Variants in COL25A1 observed in about 807,000 individuals in gnomAD.
The protein encoded by COL25A1 is collagen type XXV alpha 1 chain, also known as collagen alpha-1(XXV) chain.
In COL25A1, 103 loss-of-function variants were observed where a neutral mutation model predicts 128.4. The ratio of observed to expected loss-of-function variants is 0.80; its 90% CI spans 0.68 to 0.94. COL25A1 has a LOEUF of 0.94. Ranked by LOEUF, COL25A1 falls within the 40% of genes least tolerant of loss-of-function variation. The probability of loss-of-function intolerance (pLI) is 0.00; values close to 1 mark genes in which losing one functional copy is unlikely to be tolerated. For missense variants in COL25A1, 745 were observed against 840.0 expected, an observed-to-expected ratio of 0.89 and a Z score of 1.40; for synonymous variants, 279 against 277.2, an observed-to-expected ratio of 1.01 and a Z score of -0.06.
At chr4:109,106,974 G>A (rs576244251) in intron 3 of COL25A1, among the ~76,000 whole-genome samples, 16 of 152,076 alleles carry the variant, frequency 1.1e-4, no homozygotes, top group Non-Finnish European at 2.1e-4. Context: ...TCACTATGTT[G>A]CCTAAGCTAG....
At chr4:109,119,647 C>T (rs1767936897) in intron 3 of COL25A1, among the ~76,000 whole-genome samples, 1 of 152,010 alleles carries the variant, frequency 6.6e-6, no homozygotes, top group African/African-American at 2.4e-5. Flanking sequence ...GAATAATTAA[C>T]ACTCTTCCAA....
At chr4:109,288,439 C>T (rs1283678986) in intron 3 of COL25A1, among the ~76,000 whole-genome samples, 1 of 152,080 alleles carries the variant, frequency 6.6e-6, no homozygotes, top group African/African-American at 2.4e-5. Context: ...TGGTTCCCTG[C>T]AAAATCCATT....
chr4:109,059,475 C>T (rs1761746610), intron 3 of COL25A1, among the ~76,000 whole-genome samples: 1 of 152,186 alleles, frequency 6.6e-6, no homozygotes, highest in African/African-American at 2.4e-5. Context: ...AAAACATGTT[C>T]ATGAGTATTT....
intron 3 of COL25A1, among the ~76,000 whole-genome samples, chr4:109,236,708 C>T (rs1198683923): frequency 1.3e-5 from 2 of 152,070 alleles, no homozygotes; most frequent in South Asian, 2.1e-4. Context: ...TGTTGTTCTG[C>T]ACACTTTAAA....
At chr4:108,966,833 A>G (rs2125979766) in intron 8 of COL25A1, among the ~76,000 whole-genome samples, 1 of 151,866 alleles carries the variant, frequency 6.6e-6, no homozygotes, top group East Asian at 1.9e-4. Flanking sequence ...GCCTGGCAAC[A>G]GAGTGAGACC....
chr4:109,122,872 T>C (rs988350478), intron 3 of COL25A1, among the ~76,000 whole-genome samples: 1 of 152,022 alleles, frequency 6.6e-6, no homozygotes, highest in Non-Finnish European at 1.5e-5. Context: ...ACTTTGACAG[T>C]CCTCAGAAAT....
intron 3 of COL25A1, among the ~76,000 whole-genome samples, chr4:109,198,560 G>T (rs1039192193): frequency 6.6e-6 from 1 of 152,118 alleles, no homozygotes; most frequent in Admixed American, 6.6e-5. Context: ...CTCTTGAAAA[G>T]TCTGTAGAGG....
chr4:108,927,888 A>G (rs1354909754), intron 11 of COL25A1, among the ~76,000 whole-genome samples: 5 of 152,210 alleles, frequency 3.3e-5, no homozygotes, highest in Admixed American at 2.6e-4. Context: ...TGAGCATTAT[A>G]TACCATAGAT....
intron 3 of COL25A1, among the ~76,000 whole-genome samples, chr4:109,123,658 A>G (rs1768312715): frequency 6.6e-6 from 1 of 152,180 alleles, no homozygotes; most frequent in Non-Finnish European, 1.5e-5. Flanking sequence ...TCACAATTAC[A>G]AAGAAATAAT....
In COL25A1 at chr4:109,017,077, G is replaced by A. The variant is rs371704748; in HGVS notation, c.421-6702C>T. On this transcript the variant is annotated intron_variant, in intron 5 of 37. Transcript: ENST00000399132. ...CCCTCTTCGGGGCTCTGTGATTTCTGGTGTCTCCAAGTTTCTGGGCACCAC... is the reference window on the plus strand; with the variant it reads ...CCCTCTTCGGGGCTCTGTGATTTCTAGTGTCTCCAAGTTTCTGGGCACCAC... Among the ~76,000 whole-genome samples, 57 of 152,290 alleles carry A rather than the reference G, an allele frequency of 3.7e-4. No homozygotes were observed. In the East Asian group the frequency reaches 8.1e-3, roughly 22 times the overall value.
In COL25A1 at chr4:109,102,523, T is replaced by G. The variant is rs559565249; in HGVS notation, c.368-52344A>C. On this transcript the variant is annotated intron_variant, in intron 3 of 37. Transcript: ENST00000399132. ...TCAATTAAATCAAGTTGGTTGATAATATTTTTCAGGTATTCTATTTCATTA... is the reference window on the plus strand; with the variant it reads ...TCAATTAAATCAAGTTGGTTGATAAGATTTTTCAGGTATTCTATTTCATTA... Among the ~76,000 whole-genome samples, 3 of 152,294 alleles carry G rather than the reference T, an allele frequency of 2.0e-5. No individual in the cohort carries two copies. In the South Asian group the frequency reaches 6.2e-4, roughly 32 times the overall value.
intron 32 of COL25A1, among the ~76,000 whole-genome samples, chr4:108,831,687 G>GGAGAGAGAGAGAGAGAGA (rs3062875): frequency 6.2e-5 from 9 of 144,300 alleles, no homozygotes; most frequent in African/African-American, 1.8e-4. Context: ...AGAGAGAGGG[G>GGAGAGAGAGAGAGAGAGA]GAGAGAGAGA....
At chr4:108,852,095 C>T in intron 26 of COL25A1, 141 bp downstream of exon 26, 1 of 596,272 alleles carries the variant, frequency 1.7e-6, no homozygotes, top group Non-Finnish European at 2.9e-6. Context: ...ACCTCAATTT[C>T]TTTTCTTCGC....
Position 109,253,956 on chromosome 4 carries a change from G to A in COL25A1, c.367+46627C>T, listed in dbSNP as rs185640142. 1.1e-4 allele frequency among the ~76,000 whole-genome samples: 17 copies of A among 151,920 alleles called. No homozygotes were observed. In the East Asian group the frequency reaches 1.6e-3, roughly 14 times the overall value. On this transcript the variant is annotated intron_variant, in intron 3 of 37. Coordinates refer to ENST00000399132, the MANE Select transcript of COL25A1 (RefSeq NM_198721.4). Reference sequence around the variant, plus strand: ...CAAAAAATTATCCCGGTGCGGTGGCGGGTGCCTGTAGTCCCAGCTACTCAG... The same window carrying A: ...CAAAAAATTATCCCGGTGCGGTGGCAGGTGCCTGTAGTCCCAGCTACTCAG...
chr4:109,244,498 A>C (rs1007458524), intron 3 of COL25A1, among the ~76,000 whole-genome samples: 6 of 152,198 alleles, frequency 3.9e-5, no homozygotes, highest in Non-Finnish European at 8.8e-5. Context: ...AAGGAGTTGA[A>C]GCATCTGCAA....
At chr4:109,130,597 T>C (rs1223345058) in intron 3 of COL25A1, among the ~76,000 whole-genome samples, 1 of 152,030 alleles carries the variant, frequency 6.6e-6, no homozygotes. Flanking sequence ...AACAAAATCA[T>C]AGAAATGAGC....
At chr4:109,144,274 TC>T (rs1447794490) in intron 3 of COL25A1, among the ~76,000 whole-genome samples, 1 of 152,144 alleles carries the variant, frequency 6.6e-6, no homozygotes, top group Non-Finnish European at 1.5e-5. Context: ...GGAAGCTTCG[TC>T]CCAGAGGGGC....
chr4:109,191,626 C>A (rs530735031), intron 3 of COL25A1, among the ~76,000 whole-genome samples: 1 of 152,122 alleles, frequency 6.6e-6, no homozygotes, highest in Non-Finnish European at 1.5e-5. Context: ...ATATTTATTG[C>A]CCCGAAAATA....
intron 11 of COL25A1, among the ~76,000 whole-genome samples, chr4:108,935,869 T>A (rs566825006): frequency 7.0e-4 from 106 of 152,254 alleles, no homozygotes; most frequent in African/African-American, 2.4e-3. Flanking sequence ...AAAAAATATA[T>A]CCATTTTATT....
Sources: allele counts gnomAD v4.1 joint callset (sites outside exome capture counted in the v4.1 genomes callset), GRCh38; gene constraint gnomAD v4.1.1; transcripts MANE v1.5; gene names NCBI Gene and HGNC (gene_info 2026-07-23, HGNC 2026-07-21).